BNC1: variants seen among roughly 807,000 people sequenced by gnomAD.
BNC1 encodes zinc finger protein basonuclin-1.
In BNC1, 8 loss-of-function variants were observed where a neutral mutation model predicts 66.5. That is an observed-to-expected ratio of 0.12 (90% CI 0.07 to 0.22). The LOEUF (loss-of-function observed/expected upper bound fraction) is 0.22. Ranked by LOEUF, BNC1 falls within the 10% of genes least tolerant of loss-of-function variation. The pLI, the probability that BNC1 is intolerant of heterozygous loss-of-function variation, is 1.00. For synonymous variants in BNC1, 454 were observed against 452.6 expected, an observed-to-expected ratio of 1.00 and a Z score of -0.04; for missense variants, 1,069 against 1,241.3, an observed-to-expected ratio of 0.86 and a Z score of 2.09.
rs995276108 is a variant in BNC1 at position 83,257,609 on chromosome 15, T to C, written c.2818A>G (p.Lys940Glu). Residue 940 changes from lysine (K) to glutamate (E), a missense_variant, in exon 5 of 5, where the codon AAA becomes GAA. Coordinates refer to ENST00000345382, the MANE Select transcript of BNC1 (RefSeq NM_001717.4). ...TTGTAGTGGGCCCTAAAGGTCCCTT[T>C]GTTACTGTATGTCTTTTGGCAGAGA... ...CHLCQKTYSN[K>E]GTFRAHYKTV... 6.2e-6 allele frequency: 10 copies of C among 1,614,042 alleles called. No individual in the cohort carries two copies. The highest frequency in any genetic ancestry group is 7.6e-6 in the Non-Finnish European group (9 of 1,180,040).
rs1477038741 is a variant in BNC1, at chr15:83,263,322, G to C, written c.1929C>G (p.Ile643Met). Residue 643 changes from isoleucine (I) to methionine (M), a missense_variant, in exon 4 of 5, where the codon ATC (isoleucine) becomes ATG (methionine). Physicochemically the swap from Ile to Met is conservative, Grantham distance 10. Transcript: ENST00000345382. ...CATCCTCGACCTCCCTTGGCACCATGATCAATGCTGGTGTCTGCTCAGTCT... is the reference window on the plus strand; with the variant it reads ...CATCCTCGACCTCCCTTGGCACCATCATCAATGCTGGTGTCTGCTCAGTCT... ...ERETEQTPAL[I>M]MVPREVEDGG... 4 of 1,614,094 alleles carry C rather than the reference G, an allele frequency of 2.5e-6. No individual in the cohort carries two copies. The highest frequency in any genetic ancestry group is 2.7e-5 in the African/African-American group (2 of 74,930).
chr15:83,257,039 C>A lies in BNC1; in HGVS notation c.*403G>T. The A allele has an allele frequency of 6.7e-6, 1 of 148,742 alleles. No individual in the cohort carries two copies. Among genetic ancestry groups the A allele is most frequent in the Non-Finnish European group, 1.3e-5 (1 of 77,570 alleles). The allele number at this position is 148,742 out of a possible 1,614,324, so 9.2% of individuals were successfully genotyped here. A position where few individuals can be genotyped will look rare whatever the true frequency, so the allele number is the denominator to read the frequency against. Reference sequence around the variant, plus strand: ...CTGTTTTGGGGACTGGTATCTTGTCCACAGAGTCTTCTTCCCCAGGACCCT... The same window carrying A: ...CTGTTTTGGGGACTGGTATCTTGTCAACAGAGTCTTCTTCCCCAGGACCCT... On this transcript the variant is annotated 3_prime_UTR_variant, in exon 5 of 5. Transcript: ENST00000345382.
intron 4 of BNC1, among the ~76,000 whole-genome samples, chr15:83,260,217 T>C (rs1056318049): frequency 6.6e-6 from 1 of 152,216 alleles, no homozygotes. Context: ...GAAGCAGATA[T>C]GAGAATCTAG....
chr15:83,264,390 G>A lies in BNC1; in HGVS notation c.861C>T (p.Ser287=), dbSNP rs775503770. The change falls in exon 4 of 5, where the codon AGC becomes AGT. Residue 287 remains serine (S), a synonymous_variant. Transcript: ENST00000345382. ...GTGTGGAACTGGAAGTTAAGAAGCTGCTGTCAGGGAAGGGCCCATGGACTT... is the reference window on the plus strand; with the variant it reads ...GTGTGGAACTGGAAGTTAAGAAGCTACTGTCAGGGAAGGGCCCATGGACTT... ...KQEVHGPFPD[S]SFLTSSSTPF... The A allele has an allele frequency of 1.9e-6, 3 of 1,614,192 alleles. No individual in the cohort carries two copies. In the South Asian group the frequency reaches 3.3e-5, roughly 18 times the overall value.
chr15:83,260,837 T>C (rs1320557954), intron 4 of BNC1, among the ~76,000 whole-genome samples: 1 of 152,190 alleles, frequency 6.6e-6, no homozygotes, highest in East Asian at 1.9e-4. Flanking sequence ...CTGAGAGAAA[T>C]GGTGTCAGGT....
chr15:83,258,238 CGAT>C lies in BNC1; in HGVS notation c.2301-115_2301-113del. 4.4e-6 allele frequency: 5 copies of C among 1,128,950 alleles called. No individual in the cohort carries two copies. In the South Asian group the frequency reaches 6.5e-5, roughly 15 times the overall value. 69.9% of individuals were successfully genotyped at this position (1,128,950 alleles called of 1,614,324 possible). A position where few individuals can be genotyped will look rare whatever the true frequency, so the allele number is the denominator to read the frequency against. On this transcript the variant is annotated intron_variant, in intron 4 of 4. Coordinates refer to ENST00000345382, the MANE Select transcript of BNC1 (RefSeq NM_001717.4). ...GGAAAAACATGTGGTATGGGAGCAC[CGAT>C]GATAAGGGGGTAGGCCCCCATGGGA... is the stretch of plus-strand genomic sequence containing the variant.
chr15:83,283,348 C>T lies in BNC1; in HGVS notation c.99+1182G>A, dbSNP rs956351608. 1.7e-4 allele frequency: 240 copies of T among 1,381,714 alleles called. 1 individual carries two copies. The highest frequency in any genetic ancestry group is 5.2e-4 in the Middle Eastern group (2 of 3,868). The allele number at this position is 1,381,714 out of a possible 1,614,324, so 85.6% of individuals were successfully genotyped here. A position where few individuals can be genotyped will look rare whatever the true frequency, so the allele number is the denominator to read the frequency against. ...GCCAGGCGGCGGCGGGGCTCCGGGT[C>T]TGGGCGGCGGCTCCGGAGGAGCAGC... On this transcript the variant is annotated intron_variant, in intron 1 of 4. Coordinates refer to ENST00000345382, the MANE Select transcript of BNC1 (RefSeq NM_001717.4).
chr15:83,267,238 A>G (rs1425827403), intron 2 of BNC1, among the ~76,000 whole-genome samples, 167 bp from the exon 3 acceptor site: 1 of 152,250 alleles, frequency 6.6e-6, no homozygotes. Context: ...CAAATTATTT[A>G]CAGGAACTTC....
chr15:83,258,220 CAT>C (rs2151433867), intron 4 of BNC1, 94 bp from the exon 5 acceptor site: 6 of 1,320,438 alleles, frequency 4.5e-6, no homozygotes, highest in South Asian at 2.9e-5. Context: ...CCAGGAAAAA[CAT>C]GTGGTATGGG....
chr15:83,263,932 C>T lies in BNC1; in HGVS notation c.1319G>A (p.Cys440Tyr). 6.2e-7 allele frequency: 1 copy of T among 1,614,214 alleles called. No homozygotes were observed. Among genetic ancestry groups the T allele is most frequent in the Non-Finnish European group, 8.5e-7 (1 of 1,180,042 alleles). ...LNLASSENYK[C>Y]PGFTVTSPDC... ...TGGGGACGTCACTGTGAAACCTGGG[C>T]ACTTGTAGTTCTCAGAGCTGGCCAG... The change falls in exon 4 of 5, where the codon TGC becomes TAC. Residue 440 changes from cysteine to tyrosine, a missense_variant. Physicochemically the swap from Cys to Tyr is radical, Grantham distance 194 (BLOSUM62 -2). Around this residue, in one of 7 missense-constraint regions of BNC1, gnomAD observed 657 missense variants for 715.8 expected, o/e 0.92. Transcript: ENST00000345382.
At chr15:83,277,219 G>A (rs1037551879) in intron 1 of BNC1, among the ~76,000 whole-genome samples, 3 of 152,060 alleles carry the variant, frequency 2.0e-5, no homozygotes, top group Non-Finnish European at 4.4e-5. Flanking sequence ...TCACATAGGC[G>A]CATGCCACCA....
At chr15:83,262,802 T>G in intron 4 of BNC1, 149 bp downstream of exon 4, 1 of 806,324 alleles carries the variant, frequency 1.2e-6, no homozygotes, top group Non-Finnish European at 1.9e-6. Flanking sequence ...AAATGCCAAC[T>G]CTCAGGCCTC....
Position 83,264,629 on chromosome 15 carries a change from T to G in BNC1, c.622A>C (p.Ile208Leu), listed in dbSNP as rs2038195528. ...STANVDIRAF[I>L]ESCSHRSSSL... Reference sequence around the variant, plus strand: ...GAACTCCTGTGACTGCAGCTCTCGATGAAAGCCCTGATATCTACATTTGCT... The same window carrying G: ...GAACTCCTGTGACTGCAGCTCTCGAGGAAAGCCCTGATATCTACATTTGCT... Residue 208 changes from isoleucine (I) to leucine (L), a missense_variant, in exon 4 of 5, where the codon ATC (isoleucine) becomes CTC (leucine). By Grantham distance (5) the Ile-to-Leu change is conservative. Transcript: ENST00000345382. 6.2e-7 allele frequency: 1 copy of G among 1,614,068 alleles called. No individual in the cohort carries two copies. The highest frequency in any genetic ancestry group is 8.5e-7 in the Non-Finnish European group (1 of 1,180,044).
intron 1 of BNC1, among the ~76,000 whole-genome samples, chr15:83,272,894 CT>C (rs2038282797): frequency 6.6e-6 from 1 of 152,130 alleles, no homozygotes; most frequent in South Asian, 2.1e-4. Context: ...ATCAACATCC[CT>C]GACTGCTACA....
intron 4 of BNC1, among the ~76,000 whole-genome samples, chr15:83,260,154 C>A (rs2038124875): frequency 6.6e-6 from 1 of 152,116 alleles, no homozygotes; most frequent in African/African-American, 2.4e-5. Context: ...CATGAGTGAA[C>A]AGTGGAGTTT....
intron 3 of BNC1, among the ~76,000 whole-genome samples, chr15:83,265,167 A>G (rs981026219): frequency 6.6e-6 from 1 of 152,372 alleles, no homozygotes; most frequent in East Asian, 1.9e-4. Flanking sequence ...AAATTAAAAT[A>G]TGTATCATTT....
Position 83,263,043 on chromosome 15 carries a change from T to G in BNC1, c.2208A>C (p.Lys736Asn). The part of the protein sequence containing the change: ...KKTFKNACSV[K>N]IHHKNMHVKE... The stretch of plus-strand genomic sequence containing the variant: ...TGACATGCATATTCTTGTGATGAAT[T>G]TTCACACTACAAGCATTTTTAAAGG... The change falls in exon 4 of 5, where the codon AAA (lysine) becomes AAC (asparagine). Residue 736 changes from lysine to asparagine, a missense_variant. Around this residue, in one of 7 missense-constraint regions of BNC1, gnomAD observed 657 missense variants for 715.8 expected, o/e 0.92. Coordinates refer to ENST00000345382, the MANE Select transcript of BNC1 (RefSeq NM_001717.4). 1 of 1,614,168 alleles carries G rather than the reference T, an allele frequency of 6.2e-7. No homozygotes were observed. Among genetic ancestry groups the G allele is most frequent in the South Asian group, 1.1e-5 (1 of 91,076 alleles).
chr15:83,267,259 G>A lies in BNC1; in HGVS notation c.200-188C>T, dbSNP rs1249839014. Among the ~76,000 whole-genome samples the A allele has an allele frequency of 2.0e-5, 3 of 152,288 alleles. No individual in the cohort carries two copies. In the South Asian group the frequency reaches 6.2e-4, roughly 32 times the overall value. On this transcript the variant is annotated intron_variant, in intron 2 of 4. Coordinates refer to ENST00000345382, the MANE Select transcript of BNC1 (RefSeq NM_001717.4). Reference sequence around the variant, plus strand: ...ATTTACAGGAACTTCTAAAATACATGAACTAGCCTGAGACTTTTCTCCCTT... The same window carrying A: ...ATTTACAGGAACTTCTAAAATACATAAACTAGCCTGAGACTTTTCTCCCTT...
chr15:83,272,979 T>TGG (rs562401451), intron 1 of BNC1, among the ~76,000 whole-genome samples: 4 of 150,632 alleles, frequency 2.7e-5, no homozygotes, highest in South Asian at 4.2e-4. Flanking sequence ...CAAATGCCCT[T>TGG]GGGGGGGGGC....
Sources: allele counts gnomAD v4.1 joint callset (sites outside exome capture counted in the v4.1 genomes callset), GRCh38; gene constraint gnomAD v4.1.1; regional missense constraint gnomAD v4.1.1; transcripts MANE v1.5; gene names NCBI Gene and HGNC (gene_info 2026-07-23, HGNC 2026-07-21).